GABBR2: variants seen among roughly 807,000 people sequenced by gnomAD.
The protein encoded by GABBR2 is gamma-aminobutyric acid type B receptor subunit 2.
In GABBR2, 23 loss-of-function variants were observed where a neutral mutation model predicts 105.6. That is an observed-to-expected ratio of 0.22 (90% CI 0.16 to 0.31). The LOEUF (loss-of-function observed/expected upper bound fraction) is 0.31, where lower values mean the gene tolerates loss of function less well. Ranked by LOEUF, GABBR2 falls within the 10% of genes least tolerant of loss-of-function variation. GABBR2 has a pLI of 1.00. For synonymous variants in GABBR2, 478 were observed against 499.7 expected, an observed-to-expected ratio of 0.96 and a Z score of 0.58; for missense variants, 734 against 1,245.5, an observed-to-expected ratio of 0.59 and a Z score of 6.18.
At chr9:98,562,364 C>T (rs1443864475) in intron 2 of GABBR2, among the ~76,000 whole-genome samples, 4 of 152,064 alleles carry the variant, frequency 2.6e-5, no homozygotes, top group African/African-American at 7.3e-5. Context: ...CAAATAAATT[C>T]CAATAAGGAC....
In GABBR2 at chr9:98,299,318, C is replaced by T; in HGVS notation, c.2448G>A (p.Leu816=). Residue 816 remains leucine, a synonymous_variant, in exon 17 of 19, where the codon CTG becomes CTA. Transcript: ENST00000259455. ...DKDLEEVTMQ[L]QDTPEKTTYI... The stretch of plus-strand genomic sequence containing the variant: ...AGGTGGTCTTTTCTGGTGTGTCCTG[C>T]AGCTGCATGGTGACCTCTTCCAAGT... The T allele has an allele frequency of 6.2e-7, 1 of 1,613,712 alleles. No individual in the cohort carries two copies. The highest frequency in any genetic ancestry group is 8.5e-7 in the Non-Finnish European group (1 of 1,179,648).
intron 13 of GABBR2, among the ~76,000 whole-genome samples, chr9:98,339,481 AC>A (rs1213985071): frequency 2.6e-5 from 4 of 152,260 alleles, no homozygotes; most frequent in African/African-American, 9.6e-5. Flanking sequence ...ATTTTGCACC[AC>A]CTGTAGCCTT....
intron 3 of GABBR2, among the ~76,000 whole-genome samples, chr9:98,518,830 C>T (rs963644282): frequency 1.3e-5 from 2 of 152,166 alleles, no homozygotes; most frequent in African/African-American, 4.8e-5. Context: ...CCCATGGAGC[C>T]AGCCCCATCC....
At chr9:98,378,536 A>G (rs1310337541) in intron 11 of GABBR2, among the ~76,000 whole-genome samples, 1 of 152,192 alleles carries the variant, frequency 6.6e-6, no homozygotes, top group Non-Finnish European at 1.5e-5. Context: ...AAAATAAAGC[A>G]TCAGGTACTA....
intron 2 of GABBR2, among the ~76,000 whole-genome samples, chr9:98,575,867 A>G (rs950386846): frequency 6.6e-6 from 1 of 151,744 alleles, no homozygotes; most frequent in Non-Finnish European, 1.5e-5. Flanking sequence ...ATGACTCAGC[A>G]CTCCCCAAGC....
intron 8 of GABBR2, among the ~76,000 whole-genome samples, chr9:98,401,051 G>A (rs1267429450): frequency 6.6e-6 from 1 of 150,954 alleles, no homozygotes; most frequent in Non-Finnish European, 1.5e-5. Context: ...GTAAATCTGG[G>A]GTCACTGTTA....
intron 1 of GABBR2, among the ~76,000 whole-genome samples, chr9:98,631,451 T>C (rs1829814900): frequency 6.6e-6 from 1 of 152,254 alleles, no homozygotes; most frequent in African/African-American, 2.4e-5. Context: ...AGCAACTATT[T>C]ATTCAACACA....
chr9:98,556,598 C>T (rs1261705594), intron 2 of GABBR2, among the ~76,000 whole-genome samples: 1 of 152,122 alleles, frequency 6.6e-6, no homozygotes, highest in Non-Finnish European at 1.5e-5. Context: ...GCAAGAGCAC[C>T]CGGAAGTGAG....
chr9:98,412,054 A>C (rs140288115), intron 7 of GABBR2, among the ~76,000 whole-genome samples: 1,623 of 152,344 alleles, frequency 0.011, 37 homozygotes, highest in African/African-American at 0.037. Flanking sequence ...TCACTCCAAC[A>C]AGTTTATGAG....
At position 98,388,829 on chromosome 9, in the gene GABBR2, A is replaced by G. The variant is rs748046707; in HGVS notation, c.1529+25T>C. 2 of 1,596,644 alleles carry G rather than the reference A, an allele frequency of 1.3e-6. No individual in the cohort carries two copies. Among genetic ancestry groups the G allele is most frequent in the Non-Finnish European group, 1.7e-6 (2 of 1,167,214 alleles). On this transcript the variant is annotated intron_variant, in intron 10 of 18. Transcript: ENST00000259455. This position sits in a 1 kb window ranked among gnomAD's most constrained non-coding sequence, Gnocchi z 4.4. ...GCTTGTCAATTTAGAAAGTGATATCACAGAGGAGGACCAGGGTGGCTTACT... is the reference window on the plus strand; with the variant it reads ...GCTTGTCAATTTAGAAAGTGATATCGCAGAGGAGGACCAGGGTGGCTTACT...
At chr9:98,318,914 TTGGGG>T (rs1830770880) in intron 13 of GABBR2, among the ~76,000 whole-genome samples, 1 of 147,542 alleles carries the variant, frequency 6.8e-6, no homozygotes, top group Non-Finnish European at 1.5e-5. Flanking sequence ...TGTGTGTGTG[TTGGGG>T]GTGTGTGTGT....
intron 7 of GABBR2, among the ~76,000 whole-genome samples, chr9:98,410,630 C>T (rs1261244945): frequency 1.3e-5 from 2 of 151,230 alleles, no homozygotes; most frequent in Non-Finnish European, 2.9e-5. Context: ...GGGCCCCTGG[C>T]TGCATGCTCA....
intron 12 of GABBR2, among the ~76,000 whole-genome samples, chr9:98,363,807 C>G (rs577006495): frequency 1.3e-5 from 2 of 152,174 alleles, no homozygotes; most frequent in Admixed American, 6.5e-5. Flanking sequence ...CCCCACTTTA[C>G]GTCTGTTTGA....
At chr9:98,706,388 C>T (rs1349486853) in intron 1 of GABBR2, among the ~76,000 whole-genome samples, 1 of 152,190 alleles carries the variant, frequency 6.6e-6, no homozygotes, top group East Asian at 1.9e-4. Flanking sequence ...AAAGCCCTGG[C>T]TCTGGGCCCC....
At chr9:98,449,643 C>T (rs948177448) in intron 7 of GABBR2, among the ~76,000 whole-genome samples, 2 of 152,186 alleles carry the variant, frequency 1.3e-5, no homozygotes, top group Non-Finnish European at 2.9e-5. Flanking sequence ...AATCATTGCT[C>T]TAATGATGAG....
intron 7 of GABBR2, among the ~76,000 whole-genome samples, chr9:98,417,284 A>G (rs1832706413): frequency 6.6e-6 from 1 of 152,198 alleles, no homozygotes; most frequent in Admixed American, 6.5e-5. Flanking sequence ...TTGCTCAGTT[A>G]GCTCCCCAGG....
intron 7 of GABBR2, among the ~76,000 whole-genome samples, chr9:98,415,767 C>A (rs1832680115): frequency 6.6e-6 from 1 of 152,154 alleles, no homozygotes; most frequent in Non-Finnish European, 1.5e-5. Context: ...CCTGAGAGGT[C>A]AGGACTTTGC....
In GABBR2 at chr9:98,374,324, C is replaced by T. The variant is rs147079533; in HGVS notation, c.1663-2753G>A. ...AATTTAATCTGGCATCTGGAAACTG[C>T]AATATGTTGCCATAAACTAAAAGCG... On this transcript the variant is annotated intron_variant, in intron 11 of 18. Transcript: ENST00000259455. Among the ~76,000 whole-genome samples the T allele has an allele frequency of 4.6e-4, 70 of 152,330 alleles. No homozygotes were observed. In the East Asian group the frequency reaches 0.011, roughly 24 times the overall value.
At chr9:98,537,381 T>A (rs1828202376) in intron 3 of GABBR2, among the ~76,000 whole-genome samples, 1 of 151,928 alleles carries the variant, frequency 6.6e-6, no homozygotes, top group Non-Finnish European at 1.5e-5. Context: ...TGACTACAAA[T>A]GGGCACATGG....
Sources: allele counts gnomAD v4.1 joint callset (sites outside exome capture counted in the v4.1 genomes callset), GRCh38; gene constraint gnomAD v4.1.1; non-coding constraint Gnocchi (gnomAD v3.1); transcripts MANE v1.5; gene names NCBI Gene and HGNC (gene_info 2026-07-23, HGNC 2026-07-21).